SRBD1: variants seen among roughly 807,000 people sequenced by gnomAD.
SRBD1 encodes S1 RNA binding domain 1.
A neutral mutation model predicts 115.3 loss-of-function variants in SRBD1; 88 were observed. The observed-to-expected ratio is 0.76, with a 90% CI of 0.64 to 0.91. The LOEUF is 0.91. Ranked by LOEUF, SRBD1 falls within the 40% of genes least tolerant of loss-of-function variation. The pLI is 0.00. For missense variants in SRBD1, 1,385 were observed against 1,177.4 expected (o/e 1.18, Z -2.58); for synonymous variants, 509 against 407.7 (o/e 1.25, Z -2.99).
At chr2:45,526,206 T>G (rs1671436713) in intron 14 of SRBD1, among the ~76,000 whole-genome samples, 1 of 152,058 alleles carries the variant, frequency 6.6e-6, no homozygotes, top group African/African-American at 2.4e-5. Flanking sequence ...TAACTCAATG[T>G]CAATCGACTA....
intron 14 of SRBD1, among the ~76,000 whole-genome samples, chr2:45,528,737 G>C (rs1412586009): frequency 2.0e-5 from 3 of 151,844 alleles, no homozygotes; most frequent in Non-Finnish European, 4.4e-5. Context: ...AGCGGGTGAG[G>C]AAAATATCTG....
At chr2:45,444,979 C>T (rs1668778287) in intron 16 of SRBD1, among the ~76,000 whole-genome samples, 1 of 152,152 alleles carries the variant, frequency 6.6e-6, no homozygotes, top group Non-Finnish European at 1.5e-5. Context: ...GGCAAAATAA[C>T]ATTGTCAAAT....
At chr2:45,580,972 C>G (rs898030846) in intron 6 of SRBD1, among the ~76,000 whole-genome samples, 1 of 152,036 alleles carries the variant, frequency 6.6e-6, no homozygotes. Context: ...CTTGAGCCAC[C>G]GCGCCCAGCC....
chr2:45,445,284 T>A (rs1053412865), intron 16 of SRBD1, among the ~76,000 whole-genome samples: 1 of 152,086 alleles, frequency 6.6e-6, no homozygotes, highest in Admixed American at 6.6e-5. Context: ...TTGATGCAGA[T>A]CTGTCACTTG....
chr2:45,459,170 T>G (rs1669240081), intron 16 of SRBD1, among the ~76,000 whole-genome samples: 1 of 152,120 alleles, frequency 6.6e-6, no homozygotes, highest in African/African-American at 2.4e-5. Flanking sequence ...AACAGAAGAA[T>G]CAGATACACA....
At chr2:45,402,460 T>C (rs540997905) in intron 19 of SRBD1, among the ~76,000 whole-genome samples, 5 of 152,290 alleles carry the variant, frequency 3.3e-5, no homozygotes, top group African/African-American at 1.2e-4. Context: ...AATCCTATAG[T>C]ACAAATATCA....
chr2:45,556,447 A>ATTTTT (rs1491091849), intron 10 of SRBD1, among the ~76,000 whole-genome samples: 3 of 72,140 alleles, frequency 4.2e-5, no homozygotes, highest in Non-Finnish European at 5.7e-5. Flanking sequence ...ATGCTCTATT[A>ATTTTT]CTTTTTTTTT....
chr2:45,481,580 A>C (rs1669964867), intron 15 of SRBD1, among the ~76,000 whole-genome samples: 1 of 152,158 alleles, frequency 6.6e-6, no homozygotes, highest in African/African-American at 2.4e-5. Flanking sequence ...GAAAATGTTA[A>C]ACATAGTTAC....
At chr2:45,608,355 C>G (rs1674337999) in intron 1 of SRBD1, among the ~76,000 whole-genome samples, 1 of 152,158 alleles carries the variant, frequency 6.6e-6, no homozygotes, top group Admixed American at 6.5e-5. Flanking sequence ...CAATTTCAAG[C>G]AGATCAGATT....
chr2:45,542,666 C>T (rs375784452), intron 14 of SRBD1, among the ~76,000 whole-genome samples: 77 of 152,268 alleles, frequency 5.1e-4, no homozygotes, highest in African/African-American at 1.7e-3. Flanking sequence ...TACCGTATAC[C>T]ATATACCACA....
chr2:45,441,060 G>T (rs1460501855), intron 16 of SRBD1, among the ~76,000 whole-genome samples: 1 of 152,104 alleles, frequency 6.6e-6, no homozygotes, highest in Admixed American at 6.5e-5. Flanking sequence ...CATGTATGTG[G>T]CCACACATGT....
intron 16 of SRBD1, among the ~76,000 whole-genome samples, chr2:45,431,787 C>A (rs927407140): frequency 6.6e-6 from 1 of 151,568 alleles, no homozygotes; most frequent in Non-Finnish European, 1.5e-5. Context: ...AGAAAAAAAA[C>A]AAAAACAAAC....
At chr2:45,468,770 G>C (rs1437910343) in intron 16 of SRBD1, among the ~76,000 whole-genome samples, 1 of 152,144 alleles carries the variant, frequency 6.6e-6, no homozygotes, top group Non-Finnish European at 1.5e-5. Flanking sequence ...CAGAATTGCT[G>C]AGTTGAAGAG....
chr2:45,548,017 TA>T (rs1444282886), intron 12 of SRBD1, among the ~76,000 whole-genome samples: 1 of 152,056 alleles, frequency 6.6e-6, no homozygotes, highest in African/African-American at 2.4e-5. Context: ...ATTTAAGACT[TA>T]TGAGCTTTTC....
chr2:45,562,596 C>T (rs1672702969), intron 10 of SRBD1, 57 bp downstream of exon 10: 7 of 1,314,338 alleles, frequency 5.3e-6, no homozygotes, highest in South Asian at 2.7e-5. Context: ...ATATAGATAT[C>T]GGTATCATAT....
rs1315772849 is a variant in SRBD1 at position 45,388,755 on chromosome 2, T to G, written c.*555A>C. On this transcript the variant is annotated 3_prime_UTR_variant, in exon 21 of 21. Coordinates refer to ENST00000263736, the MANE Select transcript of SRBD1 (RefSeq NM_018079.5). ...GAAGTGTTTCGAGCCATTCATTTGA[T>G]AACTACAAACACGTCAGAATCTGTT... 6.5e-6 allele frequency: 1 copy of G among 152,766 alleles called. No individual in the cohort carries two copies. The highest frequency in any genetic ancestry group is 2.4e-5 in the African/African-American group (1 of 41,456). 9.5% of individuals were successfully genotyped at this position (152,766 alleles called of 1,614,324 possible).
chr2:45,453,642 G>A lies in SRBD1; in HGVS notation c.2049+23351C>T, dbSNP rs191149761. On this transcript the variant is annotated intron_variant, in intron 16 of 20. Transcript: ENST00000263736. ...CAAAAAAAAATAGCTTCTAACTAGT[G>A]TTCCTTTCTTATAAAAATTACAAAC... Among the ~76,000 whole-genome samples, 802 of 149,968 alleles carry A rather than the reference G, an allele frequency of 5.3e-3. 6 individuals carry two copies. The highest frequency in any genetic ancestry group is 0.018 in the African/African-American group (750 of 41,314).
intron 14 of SRBD1, among the ~76,000 whole-genome samples, chr2:45,516,009 T>A (rs1409366677): frequency 6.6e-6 from 1 of 152,160 alleles, no homozygotes; most frequent in Non-Finnish European, 1.5e-5. Flanking sequence ...TTACCTATGT[T>A]TTTCTTCCAC....
At position 45,430,608 on chromosome 2, in the gene SRBD1, T is replaced by C. The variant is rs570058789; in HGVS notation, c.2050-10714A>G. On this transcript the variant is annotated intron_variant, in intron 16 of 20. Transcript: ENST00000263736. Reference sequence around the variant, plus strand: ...CTAGCCATATGCAGAAAACTGAAACTGGACCCCTTCCTTACATCTTATACA... The same window carrying C: ...CTAGCCATATGCAGAAAACTGAAACCGGACCCCTTCCTTACATCTTATACA... Among the ~76,000 whole-genome samples, 10 of 152,274 alleles carry C rather than the reference T, an allele frequency of 6.6e-5. No individual in the cohort carries two copies. In the South Asian group the frequency reaches 1.7e-3, roughly 25 times the overall value.
Sources: allele counts gnomAD v4.1 joint callset (sites outside exome capture counted in the v4.1 genomes callset), GRCh38; gene constraint gnomAD v4.1.1; transcripts MANE v1.5; gene names NCBI Gene and HGNC (gene_info 2026-07-23, HGNC 2026-07-21).